CAMK1D: variants seen among roughly 807,000 people sequenced by gnomAD.
CAMK1D encodes the protein calcium/calmodulin-dependent protein kinase type 1D.
In CAMK1D, 9 loss-of-function variants were observed where a neutral mutation model predicts 47.7. That is an observed-to-expected ratio of 0.19 (90% CI 0.11 to 0.33). CAMK1D has a LOEUF of 0.33. Ranked by LOEUF, CAMK1D falls within the 10% of genes least tolerant of loss-of-function variation. The pLI is 1.00. For synonymous variants in CAMK1D, 184 were observed against 184.9 expected, an observed-to-expected ratio of 0.99 and a Z score of 0.04; for missense variants, 291 against 488.7, an observed-to-expected ratio of 0.60 and a Z score of 3.81.
intron 3 of CAMK1D, among the ~76,000 whole-genome samples, chr10:12,749,846 G>A (rs554772261): frequency 1.7e-4 from 26 of 149,836 alleles, no homozygotes; most frequent in African/African-American, 6.2e-4. Context: ...TGCTTCGTTC[G>A]GCCTCCCAAA....
intron 1 of CAMK1D, among the ~76,000 whole-genome samples, chr10:12,495,228 C>A (rs1390989641): frequency 6.6e-6 from 1 of 152,126 alleles, no homozygotes; most frequent in Non-Finnish European, 1.5e-5. Context: ...AAAGCCCGTA[C>A]CATTTGTGCA....
At chr10:12,789,625 G>A (rs368932153) in intron 5 of CAMK1D, among the ~76,000 whole-genome samples, 1 of 152,216 alleles carries the variant, frequency 6.6e-6, no homozygotes, top group East Asian at 1.9e-4. Flanking sequence ...AAGGAAGTTC[G>A]TGTAGACGCC....
At chr10:12,521,773 T>C (rs1215235875) in intron 1 of CAMK1D, among the ~76,000 whole-genome samples, 1 of 152,246 alleles carries the variant, frequency 6.6e-6, no homozygotes, top group Non-Finnish European at 1.5e-5. Flanking sequence ...TGTTTTTAGA[T>C]AGGTACACAT....
chr10:12,468,513 A>C (rs1833655941), intron 1 of CAMK1D, among the ~76,000 whole-genome samples: 1 of 152,120 alleles, frequency 6.6e-6, no homozygotes, highest in Non-Finnish European at 1.5e-5. Context: ...AGGAGAGGTG[A>C]GTTTGGAATG....
intron 3 of CAMK1D, among the ~76,000 whole-genome samples, chr10:12,693,013 T>C (rs1588800159): frequency 6.6e-6 from 1 of 152,226 alleles, no homozygotes; most frequent in East Asian, 1.9e-4. Flanking sequence ...AGACTTTGAG[T>C]AAAGCAGATC....
At chr10:12,674,236 C>T (rs12411472) in intron 3 of CAMK1D, among the ~76,000 whole-genome samples, 53,922 of 152,054 alleles carry the variant, frequency 0.35, 9,726 homozygotes, top group Middle Eastern at 0.49. Flanking sequence ...CTCCTGGCCC[C>T]CATCTTTTCT....
At chr10:12,499,533 C>G (rs1005881445) in intron 1 of CAMK1D, among the ~76,000 whole-genome samples, 1 of 152,156 alleles carries the variant, frequency 6.6e-6, no homozygotes, top group Non-Finnish European at 1.5e-5. Flanking sequence ...CCCCCAGATC[C>G]GAATCCCTTC....
chr10:12,494,028 C>G (rs1001447493), intron 1 of CAMK1D, among the ~76,000 whole-genome samples: 3 of 152,186 alleles, frequency 2.0e-5, no homozygotes, highest in Non-Finnish European at 2.9e-5. Context: ...TCTGCTGGGA[C>G]TTGAGACCTG....
At position 12,493,221 on chromosome 10, in the gene CAMK1D, G is replaced by A. The variant is rs997939360; in HGVS notation, c.93-60004G>A. 3.9e-5 allele frequency among the ~76,000 whole-genome samples: 6 copies of A among 152,124 alleles called. No individual in the cohort carries two copies. In the South Asian group the frequency reaches 6.2e-4, roughly 16 times the overall value. ...TGTGTCCTATAAGAAGTGGTGTTGT[G>A]GCTAGCGAATGATTTCTATAAGGGT... On this transcript the variant is annotated intron_variant, in intron 1 of 10. Coordinates refer to ENST00000619168, the MANE Select transcript of CAMK1D (RefSeq NM_153498.4).
intron 1 of CAMK1D, among the ~76,000 whole-genome samples, chr10:12,470,638 T>C (rs1467881489): frequency 6.6e-6 from 1 of 152,066 alleles, no homozygotes; most frequent in Non-Finnish European, 1.5e-5. Flanking sequence ...TGCCTCAGCC[T>C]CCCGAGTGGC....
intron 2 of CAMK1D, among the ~76,000 whole-genome samples, chr10:12,655,690 C>A (rs765380194): frequency 1.3e-5 from 2 of 152,160 alleles, no homozygotes; most frequent in Admixed American, 1.3e-4. Context: ...GTCGAAAGAC[C>A]GCCAGGCCTC....
chr10:12,829,039 C>T lies in CAMK1D; in HGVS notation c.*152C>T. Reference sequence around the variant, plus strand: ...CGAAGTTTTTTTATGGCCATATTTTCTACTGCAATTCTGAAGTGTTCATTT... The same window carrying T: ...CGAAGTTTTTTTATGGCCATATTTTTTACTGCAATTCTGAAGTGTTCATTT... On this transcript the variant is annotated 3_prime_UTR_variant, in exon 11 of 11. Transcript: ENST00000619168. 1.7e-6 allele frequency: 1 copy of T among 585,728 alleles called. No individual in the cohort carries two copies. The highest frequency in any genetic ancestry group is 2.1e-5 in the South Asian group (1 of 48,206). 36.3% of individuals were successfully genotyped at this position (585,728 alleles called of 1,614,324 possible).
Position 12,752,245 on chromosome 10 carries a change from G to T in CAMK1D, c.300-8703G>T, listed in dbSNP as rs539923090. Among the ~76,000 whole-genome samples, 8 of 152,242 alleles carry T rather than the reference G, an allele frequency of 5.3e-5. No individual in the cohort carries two copies. The South Asian group carries it at 1.7e-3, about 32-fold the overall frequency. On this transcript the variant is annotated intron_variant, in intron 3 of 10. Coordinates refer to ENST00000619168, the MANE Select transcript of CAMK1D (RefSeq NM_153498.4). The stretch of plus-strand genomic sequence containing the variant: ...TGATCTGTCCACAGATGATCTGGGC[G>T]GACAGCACCCAGAGTGCTGGGATTA...
At chr10:12,659,943 T>C (rs11257932) in intron 2 of CAMK1D, among the ~76,000 whole-genome samples, 15,899 of 152,194 alleles carry the variant, frequency 0.1, 856 homozygotes, top group South Asian at 0.19. Flanking sequence ...GACGTAACTT[T>C]CTCCTTGCAC....
At chr10:12,540,094 C>CTTT (rs147814684) in intron 1 of CAMK1D, among the ~76,000 whole-genome samples, 2 of 146,546 alleles carry the variant, frequency 1.4e-5, no homozygotes, top group Admixed American at 6.8e-5. Context: ...TTTCTTTTTT[C>CTTT]TTTTCTTTTT....
intron 1 of CAMK1D, among the ~76,000 whole-genome samples, chr10:12,362,046 C>G (rs1837680524): frequency 6.6e-6 from 1 of 152,048 alleles, no homozygotes; most frequent in Non-Finnish European, 1.5e-5. Context: ...ACTCTCTGCT[C>G]CTTAAAACAA....
At chr10:12,510,981 C>T (rs189910719) in intron 1 of CAMK1D, among the ~76,000 whole-genome samples, 1 of 152,334 alleles carries the variant, frequency 6.6e-6, no homozygotes, top group Admixed American at 6.5e-5. Context: ...GCAAAAGACT[C>T]AGATTCTCAA....
At position 12,395,519 on chromosome 10, in the gene CAMK1D, A is replaced by G. The variant is rs987889195; in HGVS notation, c.92+45609A>G. Among the ~76,000 whole-genome samples the G allele has an allele frequency of 3.9e-5, 6 of 152,144 alleles. No homozygotes were observed. In the East Asian group the frequency reaches 1.2e-3, roughly 29 times the overall value. On this transcript the variant is annotated intron_variant, in intron 1 of 10. Coordinates refer to ENST00000619168, the MANE Select transcript of CAMK1D (RefSeq NM_153498.4). ...TAAGACAAAATAAATATTTTTCAGT[A>G]TCATAAAGGGCCACCAGGATCAGGC... is the stretch of plus-strand genomic sequence containing the variant.
chr10:12,508,141 G>A (rs1471849998), intron 1 of CAMK1D, among the ~76,000 whole-genome samples: 1 of 152,230 alleles, frequency 6.6e-6, no homozygotes, highest in Non-Finnish European at 1.5e-5. Flanking sequence ...TGTTCTCAGG[G>A]AGAAATCCTG....
Sources: gnomAD v4.1 joint callset for allele counts (sites outside exome capture counted in the v4.1 genomes callset) on GRCh38, gnomAD v4.1.1 for gene constraint, MANE v1.5 for transcripts, NCBI Gene and HGNC (gene_info 2026-07-23, HGNC 2026-07-21) for gene names.